Variants in APOL5 observed in about 807,000 individuals in gnomAD.
The protein encoded by APOL5 is apolipoprotein L, 5.
APOL5 carries 29 observed loss-of-function variants against 35.5 expected under a neutral mutation model. The ratio of observed to expected loss-of-function variants is 0.82; its 90% CI spans 0.61 to 1.11. APOL5 has a LOEUF of 1.11. Ranked by LOEUF, APOL5 falls within the 50% of genes most tolerant of loss-of-function variation. The pLI is 0.00. For missense variants in APOL5, 514 were observed against 530.4 expected (o/e 0.97, Z 0.30); for synonymous variants, 188 against 200.2 (o/e 0.94, Z 0.51).
upstream of APOL5, among the ~76,000 whole-genome samples, chr22:35,716,020 G>C (rs1283426919): frequency 6.6e-6 from 1 of 152,086 alleles, no homozygotes; most frequent in Non-Finnish European, 1.5e-5. Flanking sequence ...TCAGATCTGA[G>C]TAATTTTCTA....
At chr22:35,719,566 A>G (rs897744617) in intron 1 of APOL5, among the ~76,000 whole-genome samples, 3 of 152,228 alleles carry the variant, frequency 2.0e-5, no homozygotes, top group African/African-American at 7.2e-5. Context: ...TTCTCAGAAG[A>G]CTTTTGTGAC....
At chr22:35,719,109 A>G (rs1334317012) in intron 1 of APOL5, among the ~76,000 whole-genome samples, 1 of 152,144 alleles carries the variant, frequency 6.6e-6, no homozygotes, top group Non-Finnish European at 1.5e-5. Context: ...ACACACCATT[A>G]TAAGTATAAA....
At chr22:35,725,739 G>C (rs1927129169) in intron 2 of APOL5, among the ~76,000 whole-genome samples, 1 of 152,170 alleles carries the variant, frequency 6.6e-6, no homozygotes, top group South Asian at 2.1e-4. Context: ...CGACAGCTGA[G>C]CCATTGAGTG....
rs781315073 is a variant in APOL5, at chr22:35,726,651, A to C, written c.583A>C (p.Asn195His). The C allele has an allele frequency of 1.9e-6, 3 of 1,614,210 alleles. No individual in the cohort carries two copies. The highest frequency in any genetic ancestry group is 2.5e-6 in the Non-Finnish European group (3 of 1,180,032). ...AACAAATGTCTTAGAAAATAGAAGC[A>C]ATTCAGCAGCAAGAGACAAAGCCAG... is the stretch of plus-strand genomic sequence containing the variant. ...IVTNVLENRS[N>H]SAARDKASRL... Residue 195 changes from asparagine to histidine, a missense_variant, in exon 3 of 5, where the codon AAT (asparagine) becomes CAT (histidine). Physicochemically the swap from Asn to His is moderately conservative, Grantham distance 68. This residue lies in a region of APOL5 where 254 missense variants were observed against 254.7 expected (regional missense o/e 1.00). Coordinates refer to ENST00000249044, the MANE Select transcript of APOL5 (RefSeq NM_030642.1).
chr22:35,724,134 T>G (rs1927065796), intron 2 of APOL5, among the ~76,000 whole-genome samples: 1 of 152,116 alleles, frequency 6.6e-6, no homozygotes, highest in South Asian at 2.1e-4. Flanking sequence ...TACATGCATT[T>G]GACACAAAAG....
At chr22:35,724,591 T>C (rs1927086528) in intron 2 of APOL5, among the ~76,000 whole-genome samples, 2 of 152,098 alleles carry the variant, frequency 1.3e-5, no homozygotes, top group Non-Finnish European at 1.5e-5. Flanking sequence ...AGTATCCACA[T>C]ACATTTATTT....
the APOL5 span, among the ~76,000 whole-genome samples, chr22:35,710,638 A>T: frequency 0.012 from 1,875 of 152,194 alleles, 37 homozygotes; most frequent in African/African-American, 0.043. Context: ...ATGGCCACCA[A>T]CATCCACAGA....
the APOL5 span, among the ~76,000 whole-genome samples, chr22:35,710,369 T>C: frequency 6.6e-6 from 1 of 151,474 alleles, no homozygotes; most frequent in East Asian, 1.9e-4. Flanking sequence ...CTTGAACTTC[T>C]GGGCTCAAGT....
chr22:35,720,902 C>T lies in APOL5; in HGVS notation c.142+248C>T, dbSNP rs543577613. Among the ~76,000 whole-genome samples the T allele has an allele frequency of 7.2e-5, 11 of 152,206 alleles. No homozygotes were observed. In the East Asian group the frequency reaches 1.4e-3, roughly 19 times the overall value. On this transcript the variant is annotated intron_variant, in intron 2 of 4. Transcript: ENST00000249044. Reference sequence around the variant, plus strand: ...CTGGGATTACAGGCGCCCGCCACCACGCCCGGCTAATTTTTATATTTTTTG... The same window carrying T: ...CTGGGATTACAGGCGCCCGCCACCATGCCCGGCTAATTTTTATATTTTTTG...
intron 1 of APOL5, among the ~76,000 whole-genome samples, chr22:35,719,005 G>A (rs1402125507): frequency 1.3e-5 from 2 of 150,020 alleles, no homozygotes; most frequent in African/African-American, 2.5e-5. Flanking sequence ...GTTGCAGTGA[G>A]CCGAGATCGC....
chr22:35,714,482 C>T (rs567496558), upstream of APOL5, among the ~76,000 whole-genome samples: 2 of 152,204 alleles, frequency 1.3e-5, no homozygotes, highest in South Asian at 4.1e-4. Flanking sequence ...ATGTGGCCCT[C>T]GAGGGAGATA....
At chr22:35,728,509 A>C (rs1033062892) in intron 3 of APOL5, among the ~76,000 whole-genome samples, 6 of 152,172 alleles carry the variant, frequency 3.9e-5, no homozygotes, top group African/African-American at 1.4e-4. Context: ...AGGCGTGAGC[A>C]ACCGCGCCCG....
chr22:35,708,433 A>AAAAAAAG, the APOL5 span, among the ~76,000 whole-genome samples: 1 of 152,066 alleles, frequency 6.6e-6, no homozygotes, highest in Non-Finnish European at 1.5e-5. Flanking sequence ...AAAAGAAAAA[A>AAAAAAAG]AAAAAAGAAA....
chr22:35,716,741 T>C (rs1316698701), upstream of APOL5, among the ~76,000 whole-genome samples: 1 of 95,706 alleles, frequency 1.0e-5, no homozygotes, highest in Non-Finnish European at 2.1e-5. Context: ...ACATCACATA[T>C]ATAGTACTTA....
Position 35,726,436 on chromosome 22 carries a change from T to C in APOL5, c.368T>C (p.Leu123Pro). The change falls in exon 3 of 5, where the codon CTT (leucine) becomes CCT (proline). Residue 123 changes from leucine to proline, a missense_variant. Coordinates refer to ENST00000249044, the MANE Select transcript of APOL5 (RefSeq NM_030642.1). ...LEQNIKELNT[L>P]ADQVDTTHEL... The stretch of plus-strand genomic sequence containing the variant: ...CAGAACATCAAAGAACTTAACACCC[T>C]TGCGGACCAAGTTGACACCACTCAC... 1 of 1,614,168 alleles carries C rather than the reference T, an allele frequency of 6.2e-7. No individual in the cohort carries two copies. The highest frequency in any genetic ancestry group is 8.5e-7 in the Non-Finnish European group (1 of 1,180,048).
the APOL5 span, among the ~76,000 whole-genome samples, chr22:35,710,113 C>A: frequency 1.2e-5 from 1 of 86,710 alleles, no homozygotes; most frequent in African/African-American, 6.9e-5. Flanking sequence ...CTTTCTTTCT[C>A]TTTTTTTTTT....
chr22:35,719,587 G>T (rs1294827373), intron 1 of APOL5, among the ~76,000 whole-genome samples: 1 of 152,234 alleles, frequency 6.6e-6, no homozygotes, highest in African/African-American at 2.4e-5. Context: ...TTAACGAAAT[G>T]GGAAAAGTTC....
Position 35,728,766 on chromosome 22 carries a change from T to G in APOL5, c.1170T>G (p.Pro390=). Residue 390 remains proline (P), a synonymous_variant, in exon 4 of 5, where the codon CCT becomes CCG. Coordinates refer to ENST00000249044, the MANE Select transcript of APOL5 (RefSeq NM_030642.1). The part of the protein sequence containing the change: ...PLPWPVVEHQ[P]RLGPGVALRT... ...CCTGGCCTGTTGTGGAGCACCAGCC[T>G]AGGCTGGGCCCTGGCGTGGCACTGA... 8 of 1,613,670 alleles carry G rather than the reference T, an allele frequency of 5.0e-6. No homozygotes were observed. Among genetic ancestry groups the G allele is most frequent in the Non-Finnish European group, 5.9e-6 (7 of 1,179,870 alleles).
At chr22:35,722,586 C>A (rs181243458) in intron 2 of APOL5, among the ~76,000 whole-genome samples, 1 of 152,332 alleles carries the variant, frequency 6.6e-6, no homozygotes, top group East Asian at 1.9e-4. Flanking sequence ...CAGGCATGAG[C>A]CACTGCGCCC....
Sources: allele counts gnomAD v4.1 joint callset (sites outside exome capture counted in the v4.1 genomes callset), GRCh38; gene constraint gnomAD v4.1.1; regional missense constraint gnomAD v4.1.1; transcripts MANE v1.5; gene names NCBI Gene and HGNC (gene_info 2026-07-23, HGNC 2026-07-21).